Variants in POU6F2 observed in about 807,000 individuals in gnomAD.
POU6F2 encodes POU class 6 homeobox 2.
Under a neutral mutation model 71.3 loss-of-function variants are expected in POU6F2, and 31 were observed. The ratio of observed to expected loss-of-function variants is 0.43; its 90% confidence interval spans 0.33 to 0.59. The LOEUF (loss-of-function observed/expected upper bound fraction) is 0.59, where lower values mean the gene tolerates loss of function less well. Ranked by LOEUF, POU6F2 falls within the 20% of genes least tolerant of loss-of-function variation. POU6F2 has a pLI of 0.04. For synonymous variants in POU6F2, 347 were observed against 355.7 expected (o/e 0.98, Z 0.27); for missense variants, 783 against 856.8 (o/e 0.91, Z 1.07).
At chr7:39,162,191 G>C (rs1346146623) in intron 2 of POU6F2, among the ~76,000 whole-genome samples, 7 of 152,302 alleles carry the variant, frequency 4.6e-5, no homozygotes, top group African/African-American at 1.7e-4. Context: ...AGAAACTTGG[G>C]AAATGAAGCC....
At chr7:39,079,420 G>A (rs1791069952) in intron 1 of POU6F2, among the ~76,000 whole-genome samples, 1 of 151,898 alleles carries the variant, frequency 6.6e-6, no homozygotes, top group East Asian at 1.9e-4. Flanking sequence ...CTTCTGATCC[G>A]CCCGCCTAGG....
intron 2 of POU6F2, among the ~76,000 whole-genome samples, chr7:39,115,521 T>C (rs962607455): frequency 3.9e-5 from 6 of 152,158 alleles, no homozygotes; most frequent in African/African-American, 1.2e-4. Context: ...TGAAGTTCCT[T>C]ATGGCTTTAA....
At chr7:39,413,436 CAT>C in intron 6 of POU6F2, among the ~76,000 whole-genome samples, 1 of 152,230 alleles carries the variant, frequency 6.6e-6, no homozygotes, top group African/African-American at 2.4e-5. Flanking sequence ...AAGAATCAGA[CAT>C]GTTTTGTTGA....
intron 1 of POU6F2, among the ~76,000 whole-genome samples, chr7:39,008,769 T>C (rs1166638840): frequency 6.6e-6 from 1 of 151,490 alleles, no homozygotes. Context: ...GCACCATTTA[T>C]TAAATAGGAA....
At chr7:39,434,639 TAAA>T (rs1788190472) in intron 7 of POU6F2, among the ~76,000 whole-genome samples, 1 of 151,098 alleles carries the variant, frequency 6.6e-6, no homozygotes, top group African/African-American at 2.4e-5. Context: ...GGGTTTTTTT[TAAA>T]CTTCTTCTAA....
chr7:39,033,248 C>G (rs1171811650), intron 1 of POU6F2, among the ~76,000 whole-genome samples: 1 of 152,200 alleles, frequency 6.6e-6, no homozygotes, highest in Non-Finnish European at 1.5e-5. Context: ...ACCCGGCGAA[C>G]TGATATAGTT....
At chr7:39,336,989 TTCTTG>T (rs1326859576) in intron 4 of POU6F2, among the ~76,000 whole-genome samples, 2 of 152,228 alleles carry the variant, frequency 1.3e-5, no homozygotes, top group Non-Finnish European at 2.9e-5. Flanking sequence ...CTTTTGACTT[TTCTTG>T]TGTAAATCCC....
chr7:39,038,066 C>A (rs527922904), intron 1 of POU6F2, among the ~76,000 whole-genome samples: 1 of 152,140 alleles, frequency 6.6e-6, no homozygotes, highest in Non-Finnish European at 1.5e-5. Flanking sequence ...TGGTCACAGA[C>A]CTGTTCAAGC....
intron 2 of POU6F2, among the ~76,000 whole-genome samples, chr7:39,176,235 T>C (rs544297149): frequency 5.9e-5 from 9 of 152,288 alleles, no homozygotes; most frequent in African/African-American, 2.2e-4. Context: ...CATTTCAAGA[T>C]TCAGGTGATG....
chr7:39,215,067 G>A lies in POU6F2; in HGVS notation c.598+7447G>A, dbSNP rs115596043. Among the ~76,000 whole-genome samples, 1,458 of 152,334 alleles carry A rather than the reference G, an allele frequency of 9.6e-3. 29 individuals carry two copies. Among genetic ancestry groups the A allele is most frequent in the African/African-American group, 0.033 (1,364 of 41,572 alleles). On this transcript the variant is annotated intron_variant, in intron 4 of 9. Coordinates refer to ENST00000518318, the MANE Select transcript of POU6F2 (RefSeq NM_001370959.1). ...TAATGTAAGAAGCAGGAAGGAGGCC[G>A]AAAGTGGTAGCTCATGCCTGTAATC...
intron 2 of POU6F2, among the ~76,000 whole-genome samples, chr7:39,104,203 A>G (rs1791630565): frequency 6.6e-6 from 1 of 152,252 alleles, no homozygotes; most frequent in Non-Finnish European, 1.5e-5. Context: ...TGCTCTAGTT[A>G]CAATTATAGG....
At chr7:39,241,172 A>G (rs1345549118) in intron 4 of POU6F2, among the ~76,000 whole-genome samples, 1 of 152,168 alleles carries the variant, frequency 6.6e-6, no homozygotes, top group Non-Finnish European at 1.5e-5. Context: ...GGTCTGGGAT[A>G]TGTAATTGTC....
rs1365479290 is a variant in POU6F2, at chr7:39,015,390, G to T, written c.105+37332G>T. Among the ~76,000 whole-genome samples, 90 of 120,406 alleles carry T rather than the reference G, an allele frequency of 7.5e-4. 1 individual carries two copies. The highest frequency in any genetic ancestry group is 1.5e-3 in the Admixed American group (15 of 10,292). 79.0% of individuals were successfully genotyped at this position (120,406 alleles called of 152,430 possible). ...AATATATTATGTATAATATATAATAGATATATATTATATGTAAATTAGATA... is the reference window on the plus strand; with the variant it reads ...AATATATTATGTATAATATATAATATATATATATTATATGTAAATTAGATA... On this transcript the variant is annotated intron_variant, in intron 1 of 9. Transcript: ENST00000518318.
At chr7:39,373,482 G>T in intron 5 of POU6F2, 1 of 456,686 alleles carries the variant, frequency 2.2e-6, no homozygotes, top group South Asian at 1.5e-5. Context: ...TGAAGATCCT[G>T]CACCCAAGGA....
At chr7:39,169,829 T>A (rs1249987455) in intron 2 of POU6F2, among the ~76,000 whole-genome samples, 1 of 152,162 alleles carries the variant, frequency 6.6e-6, no homozygotes, top group East Asian at 1.9e-4. Context: ...TTTCATAATG[T>A]TATGTCACAT....
At chr7:39,082,078 G>C (rs1243782628) in intron 1 of POU6F2, among the ~76,000 whole-genome samples, 1 of 152,178 alleles carries the variant, frequency 6.6e-6, no homozygotes. Flanking sequence ...CAATAAGTGG[G>C]ACCTATATTT....
At chr7:39,090,772 G>A (rs1407650389) in intron 2 of POU6F2, among the ~76,000 whole-genome samples, 1 of 152,100 alleles carries the variant, frequency 6.6e-6, no homozygotes, top group Non-Finnish European at 1.5e-5. Context: ...AATATTAAAA[G>A]TGTATTTTTT....
At chr7:39,443,333 G>A (rs1342500610) in intron 7 of POU6F2, among the ~76,000 whole-genome samples, 1 of 152,162 alleles carries the variant, frequency 6.6e-6, no homozygotes, top group Non-Finnish European at 1.5e-5. Flanking sequence ...GTACACATAT[G>A]TGCACCTCTC....
chr7:39,340,120 G>T, intron 5 of POU6F2, 105 bp downstream of exon 5: 1 of 1,397,574 alleles, frequency 7.2e-7, no homozygotes. Flanking sequence ...TTAGCATCCA[G>T]TTCTGCAGCA....
Sources: gnomAD v4.1 joint callset for allele counts (sites outside exome capture counted in the v4.1 genomes callset) on GRCh38, gnomAD v4.1.1 for gene constraint, MANE v1.5 for transcripts, NCBI Gene and HGNC (gene_info 2026-07-23, HGNC 2026-07-21) for gene names.